Variants in USP7 observed in about 807,000 individuals in gnomAD.
USP7 encodes the protein ubiquitin C-terminal hydrolase 7.
In USP7, 9 loss-of-function variants were observed where a neutral mutation model predicts 162.9. That is an observed-to-expected ratio of 0.06 (90% CI 0.03 to 0.10). The LOEUF (loss-of-function observed/expected upper bound fraction) is 0.10. Ranked by LOEUF, USP7 falls within the 10% of genes least tolerant of loss-of-function variation. The pLI, the probability that USP7 is intolerant of heterozygous loss-of-function variation, is 1.00. For synonymous variants in USP7, 562 were observed against 475.9 expected, an observed-to-expected ratio of 1.18 and a Z score of -2.35; for missense variants, 715 against 1,373.7, an observed-to-expected ratio of 0.52 and a Z score of 7.58.
intron 2 of USP7, chr16:8,929,571 T>C (rs766526952): frequency 5.7e-5 from 26 of 455,914 alleles, no homozygotes; most frequent in Admixed American, 1.9e-4. Context: ...CTCATGAGGA[T>C]TGATGGACAT....
chr16:8,903,470 A>G, intron 15 of USP7, 68 bp from the exon 16 acceptor site: 2 of 1,504,406 alleles, frequency 1.3e-6, no homozygotes, highest in Non-Finnish European at 1.8e-6. Context: ...CACTGAACAC[A>G]TTTAAACACT....
Position 8,907,904 on chromosome 16 carries a change from C to G in USP7, c.1271+437G>C, listed in dbSNP as rs1230460424. On this transcript the variant is annotated intron_variant, in intron 12 of 30. Transcript: ENST00000344836. ...ACTTTAGCATTCTTGAAAACTCTAG[C>G]ACATTCTAAAAGTTGACGCCAACTG... Among the ~76,000 whole-genome samples, 4 of 152,202 alleles carry G rather than the reference C, an allele frequency of 2.6e-5. No homozygotes were observed. The East Asian group carries it at 7.7e-4, about 29-fold the overall frequency.
chr16:8,943,776 T>A (rs545733759), intron 1 of USP7, among the ~76,000 whole-genome samples: 1 of 152,216 alleles, frequency 6.6e-6, no homozygotes, highest in Non-Finnish European at 1.5e-5. Context: ...TTTTGAAATG[T>A]TACCACAAAA....
At chr16:8,939,761 A>AT in intron 1 of USP7, among the ~76,000 whole-genome samples, 1 of 152,340 alleles carries the variant, frequency 6.6e-6, no homozygotes, top group Non-Finnish European at 1.5e-5. Flanking sequence ...GGTAAGTTTA[A>AT]TAACTCCAAA....
intron 20 of USP7, 27 bp downstream of exon 20, chr16:8,900,963 A>T: frequency 6.2e-7 from 1 of 1,607,744 alleles, no homozygotes; most frequent in Non-Finnish European, 8.5e-7. Context: ...AGAATATACT[A>T]ATTATGGAAA....
In USP7 at chr16:8,892,642, C is replaced by CCTG. The variant is rs1425864510; in HGVS notation, c.*1353_*1355dup. ...AAAAAAAAAAAAAGAAACAAGAGAC[C>CCTG]CTGCCCCCGCAAAACGGAATTAGAA... On this transcript the variant is annotated 3_prime_UTR_variant, in exon 31 of 31. Transcript: ENST00000344836. 1 of 151,314 alleles carries CCTG rather than the reference C, an allele frequency of 6.6e-6. No individual in the cohort carries two copies. Among genetic ancestry groups the CCTG allele is most frequent in the African/African-American group, 2.4e-5 (1 of 41,218 alleles). 9.4% of individuals were successfully genotyped at this position (151,314 alleles called of 1,614,324 possible). A position where few individuals can be genotyped will look rare whatever the true frequency, so the allele number is the denominator to read the frequency against.
At chr16:8,937,932 A>T (rs1898841108) in intron 1 of USP7, among the ~76,000 whole-genome samples, 1 of 152,196 alleles carries the variant, frequency 6.6e-6, no homozygotes, top group Admixed American at 6.5e-5. Flanking sequence ...CCACGTGAGA[A>T]GGAACTACCA....
chr16:8,940,042 G>A (rs150473108), intron 1 of USP7, among the ~76,000 whole-genome samples: 10 of 152,178 alleles, frequency 6.6e-5, no homozygotes, highest in African/African-American at 2.4e-4. Context: ...AGGTTGTAGT[G>A]AGCTGAGATC....
intron 30 of USP7, 102 bp from the exon 31 acceptor site, chr16:8,894,206 G>A (rs2061646543): frequency 1.8e-6 from 2 of 1,121,842 alleles, no homozygotes; most frequent in Non-Finnish European, 2.7e-6. Flanking sequence ...CTCCCCAAGG[G>A]GTAAGTTCGC....
chr16:8,897,698 CAAAAAAA>C lies in USP7; in HGVS notation c.2719-606_2719-600del, dbSNP rs55635828. On this transcript the variant is annotated intron_variant, in intron 25 of 30. Coordinates refer to ENST00000344836, the MANE Select transcript of USP7 (RefSeq NM_003470.3). ...GCAATATAGTGAGACCCTGTCTCTA[CAAAAAAA>C]AAAAAAAAAAAAAAAAAAAAAATAT... 5.9e-4 allele frequency among the ~76,000 whole-genome samples: 21 copies of C among 35,596 alleles called. 1 individual carries two copies. The highest frequency in any genetic ancestry group is 9.5e-4 in the African/African-American group (8 of 8,422). The allele number at this position is 35,596 out of a possible 152,430, so 23.4% of individuals were successfully genotyped here. A position where few individuals can be genotyped will look rare whatever the true frequency, so the allele number is the denominator to read the frequency against.
At chr16:8,942,131 C>A (rs904449618) in intron 1 of USP7, among the ~76,000 whole-genome samples, 3 of 152,250 alleles carry the variant, frequency 2.0e-5, no homozygotes, top group Non-Finnish European at 4.4e-5. Context: ...GGAAGGTGGG[C>A]AGGGCCAAAG....
chr16:8,903,613 C>G (rs2061812082), intron 15 of USP7, among the ~76,000 whole-genome samples: 1 of 152,040 alleles, frequency 6.6e-6, no homozygotes, highest in Non-Finnish European at 1.5e-5. Flanking sequence ...GGCACGGTGG[C>G]TCATGCACTT....
At chr16:8,908,919 G>A (rs1056460733) in intron 11 of USP7, among the ~76,000 whole-genome samples, 3 of 152,220 alleles carry the variant, frequency 2.0e-5, no homozygotes, top group Non-Finnish European at 4.4e-5. Flanking sequence ...CTGATGAGTC[G>A]GCAGGATTAT....
Position 8,893,949 on chromosome 16 carries a change from A to AAC in USP7, c.*48_*49insGT, listed in dbSNP as rs2061643049. 1 of 1,563,398 alleles carries AAC rather than the reference A, an allele frequency of 6.4e-7. No individual in the cohort carries two copies. Among genetic ancestry groups the AAC allele is most frequent in the Non-Finnish European group, 8.8e-7 (1 of 1,133,686 alleles). The stretch of plus-strand genomic sequence containing the variant: ...ACGTGCACCAAAGTTCTAGGCTGTT[A>AAC]AGGGGCCACCCACACACCGTCCTCG... On this transcript the variant is annotated 3_prime_UTR_variant, in exon 31 of 31. Transcript: ENST00000344836.
chr16:8,894,352 G>C (rs1469807168), intron 30 of USP7, among the ~76,000 whole-genome samples, 198 bp downstream of exon 30: 2 of 152,190 alleles, frequency 1.3e-5, no homozygotes, highest in Non-Finnish European at 2.9e-5. Context: ...TCTCCTTGAA[G>C]ATCTCACAGG....
Position 8,926,369 on chromosome 16 carries a change from C to G in USP7, c.185-2956G>C, listed in dbSNP as rs148987704. Among the ~76,000 whole-genome samples, 211 of 152,134 alleles carry G rather than the reference C, an allele frequency of 1.4e-3. 6 individuals carry two copies. The East Asian group carries it at 0.031, about 23-fold the overall frequency. On this transcript the variant is annotated intron_variant, in intron 2 of 30. Transcript: ENST00000344836. ...TGGTGCACGCCTGTAATCCCAGCTA[C>G]TTGGGAGGTCGAGGCAGGAGAATCG...
intron 1 of USP7, among the ~76,000 whole-genome samples, chr16:8,942,575 TCTCG>T (rs1291524304): frequency 1.3e-5 from 2 of 152,140 alleles, no homozygotes; most frequent in African/African-American, 4.8e-5. Flanking sequence ...TGAGACAGGG[TCTCG>T]CTCTGTTGGG....
intron 1 of USP7, among the ~76,000 whole-genome samples, chr16:8,951,776 T>TA (rs1899565190): frequency 6.6e-6 from 1 of 152,224 alleles, no homozygotes; most frequent in Non-Finnish European, 1.5e-5. Flanking sequence ...TGGTTTGCTT[T>TA]AGGAATGATT....
rs181104885 is a variant in USP7 at position 8,893,293 on chromosome 16, G to A, written c.*705C>T. 2 of 152,338 alleles carry A rather than the reference G, an allele frequency of 1.3e-5. No individual in the cohort carries two copies. Among genetic ancestry groups the A allele is most frequent in the African/African-American group, 4.8e-5 (2 of 41,558 alleles). The allele number at this position is 152,338 out of a possible 1,614,324, so 9.4% of individuals were successfully genotyped here. A position where few individuals can be genotyped will look rare whatever the true frequency, so the allele number is the denominator to read the frequency against. ...AGATCGTAAGTCTGCCAAGGCAGCA[G>A]AGTAAACCTTAATTGAATTTAACAA... On this transcript the variant is annotated 3_prime_UTR_variant, in exon 31 of 31. Coordinates refer to ENST00000344836, the MANE Select transcript of USP7 (RefSeq NM_003470.3).
Sources: allele counts gnomAD v4.1 joint callset (sites outside exome capture counted in the v4.1 genomes callset), GRCh38; gene constraint gnomAD v4.1.1; transcripts MANE v1.5; gene names NCBI Gene and HGNC (gene_info 2026-07-23, HGNC 2026-07-21).